Variants in BTRC observed in about 807,000 individuals in gnomAD.
BTRC encodes the protein beta-transducin repeat containing E3 ubiquitin protein ligase, also known as F-box/WD repeat-containing protein 1A.
A neutral mutation model predicts 85.5 loss-of-function variants in BTRC; 42 were observed. The observed-to-expected ratio is 0.49, with a 90% CI of 0.38 to 0.64. The LOEUF (loss-of-function observed/expected upper bound fraction) is 0.64. BTRC is among the 30% of genes least tolerant of loss of function. The pLI, the probability that BTRC is intolerant of heterozygous loss-of-function variation, is 0.00. For synonymous variants in BTRC, 255 were observed against 263.3 expected (o/e 0.97, Z 0.30); for missense variants, 594 against 743.5 (o/e 0.80, Z 2.34).
chr10:101,400,234 T>C (rs1454223416), intron 1 of BTRC, among the ~76,000 whole-genome samples: 2 of 152,242 alleles, frequency 1.3e-5, no homozygotes, highest in African/African-American at 2.4e-5. Flanking sequence ...AGTTTCTTCT[T>C]TGTGCTGATC....
rs925654836 is a variant in BTRC at position 101,521,525 on chromosome 10, C to G, written c.325-114C>G. The stretch of plus-strand genomic sequence containing the variant: ...TTCCACGTAATTGCTAATAGAATAA[C>G]AGAGTGGGCTCAATCATGTAGACAT... On this transcript the variant is annotated intron_variant, in intron 4 of 14. Coordinates refer to ENST00000370187, the MANE Select transcript of BTRC (RefSeq NM_033637.4). The G allele has an allele frequency of 1.4e-5, 10 of 739,706 alleles. No individual in the cohort carries two copies. In the African/African-American group the frequency reaches 1.8e-4, roughly 13 times the overall value. 45.8% of individuals were successfully genotyped at this position (739,706 alleles called of 1,614,324 possible). A position where few individuals can be genotyped will look rare whatever the true frequency, so the allele number is the denominator to read the frequency against.
intron 1 of BTRC, among the ~76,000 whole-genome samples, chr10:101,417,204 T>C (rs956032803): frequency 6.6e-6 from 1 of 152,236 alleles, no homozygotes; most frequent in African/African-American, 2.4e-5. Context: ...TCTCTAGTAA[T>C]CTCAGTCAAT....
In BTRC at chr10:101,482,393, C is replaced by CTT. The variant is rs55978440; in HGVS notation, c.324+2955_324+2956dup. Among the ~76,000 whole-genome samples, 827 of 99,804 alleles carry CTT rather than the reference C, an allele frequency of 8.3e-3. 31 individuals carry two copies. Among genetic ancestry groups the CTT allele is most frequent in the African/African-American group, 0.013 (363 of 28,182 alleles). The allele number at this position is 99,804 out of a possible 152,430, so 65.5% of individuals were successfully genotyped here. A position where few individuals can be genotyped will look rare whatever the true frequency, so the allele number is the denominator to read the frequency against. ...CTGTTTCTTTTTTGTTTGTTTGTTT[C>CTT]TTTTTTTTTTTTTTTTTTTTGAGAC... is the stretch of plus-strand genomic sequence containing the variant. On this transcript the variant is annotated intron_variant, in intron 4 of 14. Transcript: ENST00000370187.
chr10:101,488,655 A>G (rs1946051663), intron 4 of BTRC, among the ~76,000 whole-genome samples: 1 of 152,174 alleles, frequency 6.6e-6, no homozygotes, highest in Non-Finnish European at 1.5e-5. Flanking sequence ...GTCTTTACAT[A>G]TTAGACTTAG....
At chr10:101,452,752 G>C (rs1228376437) in intron 2 of BTRC, among the ~76,000 whole-genome samples, 2 of 152,176 alleles carry the variant, frequency 1.3e-5, no homozygotes. Flanking sequence ...CTTAACTGGT[G>C]AATCTGTTGA....
In BTRC at chr10:101,521,889, G is replaced by T; in HGVS notation, c.556+19G>T. On this transcript the variant is annotated intron_variant, in intron 5 of 14. Coordinates refer to ENST00000370187, the MANE Select transcript of BTRC (RefSeq NM_033637.4). ...CTGCCAGGTATGTCTACAAGTGTTT[G>T]TAAACCATTAATTTGCTATGATGAT... 1 of 1,562,862 alleles carries T rather than the reference G, an allele frequency of 6.4e-7. No individual in the cohort carries two copies. The highest frequency in any genetic ancestry group is 8.8e-7 in the Non-Finnish European group (1 of 1,136,176).
chr10:101,385,351 A>G (rs1205640164), intron 1 of BTRC, among the ~76,000 whole-genome samples: 1 of 146,018 alleles, frequency 6.8e-6, no homozygotes, highest in Non-Finnish European at 1.5e-5. Flanking sequence ...TAGGTGACAG[A>G]ACGAGACTCT....
chr10:101,443,955 GT>G (rs1944758486), intron 2 of BTRC, among the ~76,000 whole-genome samples: 1 of 152,160 alleles, frequency 6.6e-6, no homozygotes, highest in Non-Finnish European at 1.5e-5. Flanking sequence ...GGAGCTTATA[GT>G]TATTTGTTAT....
intron 4 of BTRC, among the ~76,000 whole-genome samples, chr10:101,507,372 A>G (rs543610490): frequency 2.0e-5 from 3 of 152,164 alleles, no homozygotes; most frequent in Non-Finnish European, 1.5e-5. Flanking sequence ...CCAGGGGGTG[A>G]AGTTATTAAG....
At chr10:101,355,422 A>G (rs997942419) in intron 1 of BTRC, among the ~76,000 whole-genome samples, 2 of 152,190 alleles carry the variant, frequency 1.3e-5, no homozygotes, top group African/African-American at 4.8e-5. Context: ...TGCTGTGCTT[A>G]TCTTTGGCAA....
intron 1 of BTRC, among the ~76,000 whole-genome samples, chr10:101,403,328 C>T (rs1399665343): frequency 2.0e-5 from 3 of 152,186 alleles, no homozygotes; most frequent in African/African-American, 4.8e-5. Context: ...CCCATAAGGA[C>T]TTGGAACCAG....
intron 2 of BTRC, among the ~76,000 whole-genome samples, chr10:101,459,240 A>T (rs1382388301): frequency 1.3e-5 from 2 of 152,212 alleles, no homozygotes; most frequent in Non-Finnish European, 2.9e-5. Context: ...ATAGATAAAG[A>T]TGCAAGGAAT....
At chr10:101,454,122 CAAAACT>C (rs1481094843) in intron 2 of BTRC, among the ~76,000 whole-genome samples, 1 of 128,554 alleles carries the variant, frequency 7.8e-6, no homozygotes, top group Non-Finnish European at 1.9e-5. Context: ...CAAAACAAAA[CAAAACT>C]TTTTTTTAAG....
intron 2 of BTRC, among the ~76,000 whole-genome samples, chr10:101,434,395 A>G (rs960514308): frequency 1.3e-5 from 2 of 152,208 alleles, no homozygotes; most frequent in Non-Finnish European, 2.9e-5. Context: ...GTGCAAAACA[A>G]TGAACCTCAA....
chr10:101,428,132 G>A (rs1944309254), intron 1 of BTRC, among the ~76,000 whole-genome samples: 1 of 152,146 alleles, frequency 6.6e-6, no homozygotes, highest in Non-Finnish European at 1.5e-5. Context: ...GATGTAAATG[G>A]TCGATATGGA....
intron 4 of BTRC, among the ~76,000 whole-genome samples, chr10:101,479,789 C>T (rs977704531): frequency 5.9e-5 from 9 of 152,214 alleles, no homozygotes; most frequent in Middle Eastern, 3.4e-3. Context: ...AATACAGTTA[C>T]GTATAGAGTA....
At chr10:101,520,800 A>G (rs532780704) in intron 4 of BTRC, among the ~76,000 whole-genome samples, 1 of 152,298 alleles carries the variant, frequency 6.6e-6, no homozygotes, top group African/African-American at 2.4e-5. Context: ...TCTACTAAAA[A>G]TATAAAACTT....
At chr10:101,360,185 G>C (rs1262965855) in intron 1 of BTRC, among the ~76,000 whole-genome samples, 1 of 152,012 alleles carries the variant, frequency 6.6e-6, no homozygotes, top group Admixed American at 6.6e-5. Context: ...CTCCCAGGTA[G>C]CTGGGAATAC....
intron 3 of BTRC, among the ~76,000 whole-genome samples, chr10:101,478,187 G>T (rs902314222): frequency 1.1e-4 from 17 of 151,698 alleles, no homozygotes; most frequent in Non-Finnish European, 2.5e-4. Context: ...TGTAAGCCCA[G>T]CTACTCGGGA....
Sources: allele counts gnomAD v4.1 joint callset (sites outside exome capture counted in the v4.1 genomes callset), GRCh38; gene constraint gnomAD v4.1.1; transcripts MANE v1.5; gene names NCBI Gene and HGNC (gene_info 2026-07-23, HGNC 2026-07-21).